The following DCP2 variants were observed in gnomAD, a reference collection of about 807,000 sequenced individuals.
DCP2 encodes the protein decapping mRNA 2.
DCP2 carries 30 observed loss-of-function variants against 56.1 expected under a neutral mutation model. The ratio of observed to expected loss-of-function variants is 0.53; its 90% CI spans 0.40 to 0.73. The LOEUF is 0.73. Ranked by LOEUF, DCP2 falls within the 30% of genes least tolerant of loss-of-function variation. The pLI, the probability that DCP2 is intolerant of heterozygous loss-of-function variation, is 0.00. For synonymous variants in DCP2, 197 were observed against 163.3 expected (o/e 1.21, Z -1.57); for missense variants, 533 against 502.7 (o/e 1.06, Z -0.58).
chr5:112,994,004 C>T (rs963390696), intron 4 of DCP2, among the ~76,000 whole-genome samples: 8 of 151,434 alleles, frequency 5.3e-5, no homozygotes, highest in Admixed American at 1.3e-4. Context: ...TCTATGTTGC[C>T]CAGGCTGGGT....
chr5:112,992,704 A>T lies in DCP2; in HGVS notation c.366A>T (p.Ser122=). 1 of 1,585,416 alleles carries T rather than the reference A, an allele frequency of 6.3e-7. No homozygotes were observed. Among genetic ancestry groups the T allele is most frequent in the Non-Finnish European group, 8.5e-7 (1 of 1,171,782 alleles). Residue 122 remains serine, a synonymous_variant, in exon 4 of 11, where the codon TCA becomes TCT. Transcript: ENST00000389063. ...VLLVQGYLAK[S]GWGFPKGKVN... ...TAGTTCAGGGGTACCTAGCAAAATC[A>T]GGCTGGGGATTTCCAAAAGGAAAAG...
chr5:112,982,837 T>G (rs915470526), intron 1 of DCP2, among the ~76,000 whole-genome samples: 2 of 152,252 alleles, frequency 1.3e-5, no homozygotes, highest in Non-Finnish European at 2.9e-5. Context: ...AACTTTCTTG[T>G]CATGCTTCAC....
At chr5:112,980,148 G>A (rs140106596) in intron 1 of DCP2, among the ~76,000 whole-genome samples, 35 of 152,278 alleles carry the variant, frequency 2.3e-4, no homozygotes, top group African/African-American at 6.5e-4. Flanking sequence ...CAAATACAGA[G>A]TTTTTCAGTA....
At chr5:112,996,227 A>G (rs1326065745) in intron 4 of DCP2, among the ~76,000 whole-genome samples, 1 of 152,196 alleles carries the variant, frequency 6.6e-6, no homozygotes, top group African/African-American at 2.4e-5. Context: ...CTGCGGTATA[A>G]AAGAAGCTGC....
At position 113,001,584 on chromosome 5, in the gene DCP2, T is replaced by G; in HGVS notation, c.716T>G (p.Leu239Arg). ...IPFIRPLRDW[L>R]SRRFGDSSDS... Reference sequence around the variant, plus strand: ...TTCTGCAGACCATTAAGGGACTGGCTTTCTCGAAGATTTGGCGATTCCTCA... The same window carrying G: ...TTCTGCAGACCATTAAGGGACTGGCGTTCTCGAAGATTTGGCGATTCCTCA... Residue 239 changes from leucine to arginine, a missense_variant, in exon 7 of 11, where the codon CTT becomes CGT. Coordinates refer to ENST00000389063, the MANE Select transcript of DCP2 (RefSeq NM_152624.6). The G allele has an allele frequency of 1.2e-6, 2 of 1,614,186 alleles. No homozygotes were observed. The highest frequency in any genetic ancestry group is 1.7e-6 in the Non-Finnish European group (2 of 1,180,008).
Position 112,996,626 on chromosome 5 carries a change from A to G in DCP2, c.432+3856A>G, listed in dbSNP as rs111401010. ...GGGAAGGGTCTGTGGGCTAAGCCTA[A>G]AGCAGCAGTGGCAGACAAGCTACTT... On this transcript the variant is annotated intron_variant, in intron 4 of 10. Transcript: ENST00000389063. Among the ~76,000 whole-genome samples the G allele has an allele frequency of 9.7e-3, 1,475 of 152,346 alleles. 23 individuals are homozygous for G. The highest frequency in any genetic ancestry group is 0.034 in the African/African-American group (1,407 of 41,570).
At chr5:112,982,385 A>G (rs1483368246) in intron 1 of DCP2, among the ~76,000 whole-genome samples, 1 of 151,474 alleles carries the variant, frequency 6.6e-6, no homozygotes. Flanking sequence ...CACTTTCACA[A>G]CTCTCTGAGA....
chr5:113,003,743 T>C (rs936719015), intron 7 of DCP2, among the ~76,000 whole-genome samples, 199 bp from the exon 8 acceptor site: 1 of 152,210 alleles, frequency 6.6e-6, no homozygotes, highest in Non-Finnish European at 1.5e-5. Context: ...GAAATATTTA[T>C]TGAATACCAG....
chr5:112,980,463 G>A (rs1747949941), intron 1 of DCP2, among the ~76,000 whole-genome samples: 1 of 152,146 alleles, frequency 6.6e-6, no homozygotes, highest in African/African-American at 2.4e-5. Context: ...CTGTTTGTAG[G>A]AACACTGAGA....
chr5:113,017,836 A>G lies in DCP2; in HGVS notation c.*4352A>G, dbSNP rs1280217574. The G allele has an allele frequency of 2.6e-5, 4 of 152,160 alleles. No homozygotes were observed. The highest frequency in any genetic ancestry group is 4.8e-5 in the African/African-American group (2 of 41,436). 9.4% of individuals were successfully genotyped at this position (152,160 alleles called of 1,614,324 possible). ...CATATATATATGAATATCTATATCT[A>G]TATCTATACATATATATGTATCGCC... is the stretch of plus-strand genomic sequence containing the variant. On this transcript the variant is annotated 3_prime_UTR_variant, in exon 11 of 11. Transcript: ENST00000389063.
rs527451651 is a variant in DCP2, at chr5:113,020,496, G to C, written c.*7012G>C. 58 of 152,260 alleles carry C rather than the reference G, an allele frequency of 3.8e-4. No individual in the cohort carries two copies. Among genetic ancestry groups the C allele is most frequent in the Non-Finnish European group, 6.9e-4 (47 of 68,004 alleles). 9.4% of individuals were successfully genotyped at this position (152,260 alleles called of 1,614,324 possible). A position where few individuals can be genotyped will look rare whatever the true frequency, so the allele number is the denominator to read the frequency against. On this transcript the variant is annotated 3_prime_UTR_variant, in exon 11 of 11. Transcript: ENST00000389063. ...CCAAAACACCTGTAGTGTTCACCTTGTTATAAGAACAGAAACATTTGGAAC... is the reference window on the plus strand; with the variant it reads ...CCAAAACACCTGTAGTGTTCACCTTCTTATAAGAACAGAAACATTTGGAAC...
chr5:113,004,040 A>G lies in DCP2; in HGVS notation c.905A>G (p.Asn302Ser). The G allele has an allele frequency of 1.2e-6, 2 of 1,614,174 alleles. No homozygotes were observed. Among genetic ancestry groups the G allele is most frequent in the South Asian group, 1.1e-5 (1 of 91,082 alleles). Residue 302 changes from asparagine (N) to serine (S), a missense_variant, in exon 8 of 11, where the codon AAT (asparagine) becomes AGT (serine). This residue lies in a region of DCP2 where 392 missense variants were observed against 346.6 expected (regional missense o/e 1.13). Transcript: ENST00000389063. The stretch of plus-strand genomic sequence containing the variant: ...CAACCACTGCAGCAAAAGCCATATA[A>G]TAATCATTCTGAAATGTCTGACCTT... ...HRQPLQQKPY[N>S]NHSEMSDLLK...
chr5:113,007,404 T>C (rs914025957), intron 8 of DCP2, among the ~76,000 whole-genome samples: 8 of 151,184 alleles, frequency 5.3e-5, no homozygotes, highest in African/African-American at 1.7e-4. Flanking sequence ...TTCTTTCTTT[T>C]TTTTTTTTTT....
At chr5:112,998,841 C>T (rs576022622) in intron 4 of DCP2, among the ~76,000 whole-genome samples, 35 of 152,254 alleles carry the variant, frequency 2.3e-4, no homozygotes, top group African/African-American at 6.3e-4. Flanking sequence ...GTTTTAAGAA[C>T]GAGGAGTTCT....
chr5:113,013,731 A>G lies in DCP2; in HGVS notation c.*247A>G. On this transcript the variant is annotated 3_prime_UTR_variant, in exon 11 of 11. Transcript: ENST00000389063. ...AGTTTAAGTTGCTTTCTTTGAGGGC[A>G]TTTATTCTGTGTGACTGTGGGTTTT... 1 of 386,862 alleles carries G rather than the reference A, an allele frequency of 2.6e-6. No individual in the cohort carries two copies. Among genetic ancestry groups the G allele is most frequent in the Non-Finnish European group, 4.6e-6 (1 of 217,764 alleles). The allele number at this position is 386,862 out of a possible 1,614,324, so 24.0% of individuals were successfully genotyped here. A position where few individuals can be genotyped will look rare whatever the true frequency, so the allele number is the denominator to read the frequency against.
chr5:112,997,682 T>G (rs2150180871), intron 4 of DCP2, among the ~76,000 whole-genome samples: 1 of 152,046 alleles, frequency 6.6e-6, no homozygotes, highest in East Asian at 1.9e-4. Flanking sequence ...CGATCTCAGT[T>G]CACTGCACCC....
In DCP2 at chr5:112,976,873, G is replaced by A. The variant is rs780532313; in HGVS notation, c.-61G>A. 1.9e-6 allele frequency: 3 copies of A among 1,567,462 alleles called. No homozygotes were observed. The highest frequency in any genetic ancestry group is 1.8e-6 in the Non-Finnish European group (2 of 1,137,612). ...TCCGGCGAGCCGGAGTCCTAGTGCC[G>A]TACCGTCAGTCCCCGGCCGCGCGGA... On this transcript the variant is annotated 5_prime_UTR_variant, in exon 1 of 11. Coordinates refer to ENST00000389063, the MANE Select transcript of DCP2 (RefSeq NM_152624.6).
At chr5:112,989,648 CT>C (rs1295724253) in intron 2 of DCP2, among the ~76,000 whole-genome samples, 1 of 152,110 alleles carries the variant, frequency 6.6e-6, no homozygotes, top group Non-Finnish European at 1.5e-5. Flanking sequence ...TGGGAAAAAA[CT>C]TTCGGAGATG....
intron 10 of DCP2, among the ~76,000 whole-genome samples, chr5:113,012,943 G>T (rs1749739715): frequency 6.6e-6 from 1 of 152,148 alleles, no homozygotes; most frequent in Non-Finnish European, 1.5e-5. Context: ...TGCCTGGCCA[G>T]ATTTTTCTTT....
Sources: allele counts gnomAD v4.1 joint callset (sites outside exome capture counted in the v4.1 genomes callset), GRCh38; gene constraint gnomAD v4.1.1; regional missense constraint gnomAD v4.1.1; transcripts MANE v1.5; gene names NCBI Gene and HGNC (gene_info 2026-07-23, HGNC 2026-07-21).